The following LRIF1 variants were observed in gnomAD, a reference collection of about 807,000 sequenced individuals.
LRIF1 encodes ligand-dependent nuclear receptor-interacting factor 1.
A neutral mutation model predicts 52.7 loss-of-function variants in LRIF1; 32 were observed. The observed-to-expected ratio is 0.61, with a 90% CI of 0.46 to 0.82. The LOEUF (loss-of-function observed/expected upper bound fraction) is 0.82, where lower values mean the gene tolerates loss of function less well. Ranked by LOEUF, LRIF1 falls within the 40% of genes least tolerant of loss-of-function variation. The probability of loss-of-function intolerance (pLI) is 0.00; values close to 1 mark genes in which losing one functional copy is unlikely to be tolerated. For synonymous variants in LRIF1, 323 were observed against 317.4 expected (o/e 1.02, Z -0.19); for missense variants, 887 against 892.0 (o/e 0.99, Z 0.07).
the LRIF1 span, among the ~76,000 whole-genome samples, chr1:110,931,363 T>A: frequency 2.6e-5 from 4 of 152,220 alleles, no homozygotes; most frequent in African/African-American, 9.6e-5. Context: ...ATGTGCCACA[T>A]TTTCTTAATC....
chr1:110,959,905 T>C (rs1658875794), intron 1 of LRIF1, among the ~76,000 whole-genome samples: 1 of 152,132 alleles, frequency 6.6e-6, no homozygotes, highest in Admixed American at 6.5e-5. Flanking sequence ...GAACATTTTA[T>C]AGATATTTTT....
At chr1:110,946,730 G>A (rs1368577173), downstream of LRIF1, among the ~76,000 whole-genome samples, 1 of 145,020 alleles carries the variant, frequency 6.9e-6, no homozygotes, top group Non-Finnish European at 1.5e-5. Flanking sequence ...CACAATCTTG[G>A]CTCACTGCAA....
At chr1:110,891,242 T>C in the LRIF1 span, 2 of 631,206 alleles carry the variant, frequency 3.2e-6, no homozygotes, top group Non-Finnish European at 2.8e-6. Flanking sequence ...AGTTTAGAAC[T>C]AGGAAAGCGC....
At chr1:110,895,014 G>C in the LRIF1 span, 1 of 1,614,072 alleles carries the variant, frequency 6.2e-7, no homozygotes, top group Non-Finnish European at 8.5e-7. Flanking sequence ...TTACCACTCA[G>C]ACAATAGCAC....
chr1:110,925,220 A>G, the LRIF1 span, among the ~76,000 whole-genome samples: 1 of 152,200 alleles, frequency 6.6e-6, no homozygotes, highest in Non-Finnish European at 1.5e-5. Context: ...GCTTCATCCA[A>G]TCAGTTGAAG....
Position 110,951,870 on chromosome 1 carries a change from A to G in LRIF1, c.1014T>C (p.Ser338=). Residue 338 remains serine, a synonymous_variant, in exon 2 of 4, where the codon AGT becomes AGC. Transcript: ENST00000369763. ...ATCGCGTCCCACTAGGATCGATGGT[A>G]CTCAATGGTGGCATATTTATAGTAT... ...GDNTINMPPL[S]TIDPSGTRSK... 6.2e-7 allele frequency: 1 copy of G among 1,613,814 alleles called. No individual in the cohort carries two copies. The highest frequency in any genetic ancestry group is 8.5e-7 in the Non-Finnish European group (1 of 1,179,996).
chr1:110,894,081 A>G, the LRIF1 span, among the ~76,000 whole-genome samples: 1 of 152,262 alleles, frequency 6.6e-6, no homozygotes, highest in Non-Finnish European at 1.5e-5. Flanking sequence ...TGTATTATGC[A>G]TGTAGTGCTC....
the LRIF1 span, among the ~76,000 whole-genome samples, chr1:110,921,593 C>G: frequency 6.6e-6 from 1 of 151,708 alleles, no homozygotes; most frequent in Admixed American, 6.6e-5. Context: ...TTCAAGTCAC[C>G]AAAATAATAG....
the LRIF1 span, chr1:110,894,350 C>T: frequency 6.2e-7 from 1 of 1,614,034 alleles, no homozygotes; most frequent in Non-Finnish European, 8.5e-7. Flanking sequence ...TGCTGATTAT[C>T]CTCCTTGCTG....
In LRIF1 at chr1:110,947,682, T is replaced by G. The variant is rs1658258581; in HGVS notation, c.*277A>C. 4.0e-6 allele frequency: 1 copy of G among 247,972 alleles called. No homozygotes were observed. Among genetic ancestry groups the G allele is most frequent in the Admixed American group, 5.1e-5 (1 of 19,538 alleles). 15.4% of individuals were successfully genotyped at this position (247,972 alleles called of 1,614,324 possible). ...CAATAACAAAAACCCTGCCCAAATA[T>G]TCAAACTTGGAGAATTCTAGTTAAA... On this transcript the variant is annotated 3_prime_UTR_variant, in exon 4 of 4. Coordinates refer to ENST00000369763, the MANE Select transcript of LRIF1 (RefSeq NM_018372.4).
In LRIF1 at chr1:110,959,736, CAAAAA is replaced by C. The variant is rs11320169; in HGVS notation, c.68+3880_68+3884del. Among the ~76,000 whole-genome samples, 7 of 56,360 alleles carry C rather than the reference CAAAAA, an allele frequency of 1.2e-4. No individual in the cohort carries two copies. The South Asian group carries it at 3.4e-3, about 27-fold the overall frequency. 37.0% of individuals were successfully genotyped at this position (56,360 alleles called of 152,430 possible). ...CTGGCGACAGAGCGAGACTCCATCT[CAAAAA>C]AAAAAAAAAAAAAAAAAGAATGAGA... On this transcript the variant is annotated intron_variant, in intron 1 of 3. Coordinates refer to ENST00000369763, the MANE Select transcript of LRIF1 (RefSeq NM_018372.4).
At chr1:110,919,756 T>A in the LRIF1 span, among the ~76,000 whole-genome samples, 2 of 152,166 alleles carry the variant, frequency 1.3e-5, no homozygotes, top group South Asian at 4.2e-4. Flanking sequence ...AAAAAGAGAA[T>A]TAGAAGGCAA....
intron 1 of LRIF1, among the ~76,000 whole-genome samples, chr1:110,957,572 T>C (rs1311318051): frequency 6.6e-6 from 1 of 151,936 alleles, no homozygotes; most frequent in East Asian, 1.9e-4. Flanking sequence ...TATCCTTTTA[T>C]TCCTGTCCCC....
the LRIF1 span, among the ~76,000 whole-genome samples, chr1:110,903,912 A>G: frequency 2.0e-5 from 3 of 152,202 alleles, no homozygotes; most frequent in South Asian, 6.2e-4. Flanking sequence ...CTGAAGGGTG[A>G]GTCCCAAGAC....
chr1:110,948,488 A>G (rs1247910332), intron 3 of LRIF1, 89 bp from the exon 4 acceptor site: 1 of 1,465,016 alleles, frequency 6.8e-7, no homozygotes, highest in Non-Finnish European at 9.0e-7. Context: ...GTCTGCAGAA[A>G]CAAATATCTA....
chr1:110,909,084 GA>G, the LRIF1 span, among the ~76,000 whole-genome samples: 32 of 151,370 alleles, frequency 2.1e-4, no homozygotes, highest in South Asian at 5.6e-3. Flanking sequence ...CATCATTAAA[GA>G]AAAAAAAATC....
the LRIF1 span, among the ~76,000 whole-genome samples, chr1:110,888,016 G>A: frequency 6.8e-4 from 103 of 152,268 alleles, no homozygotes; most frequent in Non-Finnish European, 1.2e-3. Context: ...CAGGAGATAA[G>A]AGTGGAAAGT....
At chr1:110,955,810 G>A (rs1192747614) in intron 1 of LRIF1, among the ~76,000 whole-genome samples, 2 of 152,146 alleles carry the variant, frequency 1.3e-5, no homozygotes, top group South Asian at 2.1e-4. Context: ...CTTTGTTTAA[G>A]GTTAGATTAA....
At chr1:110,906,083 C>T in the LRIF1 span, among the ~76,000 whole-genome samples, 4 of 151,150 alleles carry the variant, frequency 2.6e-5, no homozygotes, top group African/African-American at 9.7e-5. Flanking sequence ...AAAATCTTCA[C>T]TAAAGGAAGA....
Sources: allele counts gnomAD v4.1 joint callset (sites outside exome capture counted in the v4.1 genomes callset), GRCh38; gene constraint gnomAD v4.1.1; transcripts MANE v1.5; gene names NCBI Gene and HGNC (gene_info 2026-07-23, HGNC 2026-07-21).